CDH13: variants seen among roughly 807,000 people sequenced by gnomAD.
The protein encoded by CDH13 is cadherin 13, also known as cadherin-13.
Under a neutral mutation model 63.8 loss-of-function variants are expected in CDH13, and 24 were observed. The ratio of observed to expected loss-of-function variants is 0.38; its 90% CI spans 0.27 to 0.53. The LOEUF is 0.53. CDH13 is among the 20% of genes least tolerant of loss of function. CDH13 has a pLI of 0.85. For missense variants in CDH13, 1,049 were observed against 903.1 expected (o/e 1.16, Z -2.07); for synonymous variants, 503 against 355.3 (o/e 1.42, Z -4.67).
intron 2 of CDH13, among the ~76,000 whole-genome samples, chr16:83,000,721 A>G (rs958654264): frequency 6.6e-6 from 1 of 151,792 alleles, no homozygotes; most frequent in Non-Finnish European, 1.5e-5. Flanking sequence ...CTGGGATTAC[A>G]GGTACCCGCC....
chr16:83,059,789 G>GTTTTTTTTTTTTTT, intron 3 of CDH13, among the ~76,000 whole-genome samples: 73 of 98,734 alleles, frequency 7.4e-4, no homozygotes, highest in African/African-American at 2.7e-3. Flanking sequence ...TTTTTTTTTT[G>GTTTTTTTTTTTTTT]TTTGTTTTTT....
intron 6 of CDH13, among the ~76,000 whole-genome samples, chr16:83,356,889 A>G (rs1383600209): frequency 6.6e-6 from 1 of 152,182 alleles, no homozygotes; most frequent in South Asian, 2.1e-4. Context: ...TACCCAAGCT[A>G]TTTTATTATT....
chr16:83,141,289 T>A (rs556209206), intron 4 of CDH13, among the ~76,000 whole-genome samples: 1 of 152,130 alleles, frequency 6.6e-6, no homozygotes, highest in East Asian at 1.9e-4. Flanking sequence ...TCTGGTGCCC[T>A]TTTGCCTACA....
At chr16:82,778,466 G>A (rs948608310) in intron 1 of CDH13, among the ~76,000 whole-genome samples, 2 of 147,786 alleles carry the variant, frequency 1.4e-5, no homozygotes, top group African/African-American at 2.5e-5. Context: ...GACCTTTGAA[G>A]TAGTCTCCCT....
chr16:83,551,175 G>A (rs533235557), intron 7 of CDH13, among the ~76,000 whole-genome samples: 9 of 152,024 alleles, frequency 5.9e-5, no homozygotes, highest in South Asian at 4.2e-4. Context: ...TCCGCCTCCC[G>A]GGTTCAAGTG....
chr16:82,751,982 C>G (rs1443033805), intron 1 of CDH13, among the ~76,000 whole-genome samples: 1 of 152,136 alleles, frequency 6.6e-6, no homozygotes, highest in Non-Finnish European at 1.5e-5. Flanking sequence ...AGGCTAAACG[C>G]CAACAAACAA....
intron 1 of CDH13, among the ~76,000 whole-genome samples, chr16:82,685,491 A>G (rs1914972912): frequency 1.3e-5 from 2 of 152,356 alleles, no homozygotes; most frequent in South Asian, 4.1e-4. Flanking sequence ...GTTGGGGGGA[A>G]TAAATCTTTA....
chr16:83,153,563 G>T (rs2151698806), intron 4 of CDH13, among the ~76,000 whole-genome samples: 1 of 152,276 alleles, frequency 6.6e-6, no homozygotes, highest in East Asian at 1.9e-4. Flanking sequence ...CCCAAAGTTA[G>T]TTCAGCCTAT....
chr16:83,074,196 T>G (rs1399915157), intron 3 of CDH13, among the ~76,000 whole-genome samples: 1 of 152,174 alleles, frequency 6.6e-6, no homozygotes, highest in African/African-American at 2.4e-5. Flanking sequence ...ATTGCGCTCT[T>G]TTTCTCCATA....
intron 2 of CDH13, among the ~76,000 whole-genome samples, chr16:82,985,541 A>C (rs1391896946): frequency 6.6e-6 from 1 of 152,186 alleles, no homozygotes. Flanking sequence ...CAGGCCCTAC[A>C]GAGATAGGTG....
intron 1 of CDH13, among the ~76,000 whole-genome samples, chr16:82,669,377 A>T (rs1005095783): frequency 6.6e-6 from 1 of 152,236 alleles, no homozygotes; most frequent in Non-Finnish European, 1.5e-5. Flanking sequence ...GGTACAATAT[A>T]TCTTATCTAC....
intron 11 of CDH13, among the ~76,000 whole-genome samples, chr16:83,759,778 A>T (rs1236118047): frequency 6.6e-6 from 1 of 152,048 alleles, no homozygotes; most frequent in African/African-American, 2.4e-5. Flanking sequence ...AATAAAAAAA[A>T]TTATCCAAGT....
At chr16:83,173,580 A>G (rs936622950) in intron 4 of CDH13, among the ~76,000 whole-genome samples, 2 of 152,130 alleles carry the variant, frequency 1.3e-5, no homozygotes, top group African/African-American at 2.4e-5. Flanking sequence ...CATCCCAACT[A>G]TTGCACTGGA....
At chr16:83,440,665 G>A (rs954787761) in intron 6 of CDH13, among the ~76,000 whole-genome samples, 15 of 151,708 alleles carry the variant, frequency 9.9e-5, no homozygotes, top group Admixed American at 2.0e-4. Flanking sequence ...CACACCCGTC[G>A]TCCCAGCTAC....
intron 1 of CDH13, among the ~76,000 whole-genome samples, chr16:82,681,651 G>A (rs1353382122): frequency 5.3e-5 from 8 of 152,166 alleles, no homozygotes; most frequent in Admixed American, 3.9e-4. Context: ...TGGTGCCCCC[G>A]TTGCATTCCC....
Position 83,344,855 on chromosome 16 carries a change from C to T in CDH13, c.637-7C>T, listed in dbSNP as rs2090803305. 6.2e-7 allele frequency: 1 copy of T among 1,613,462 alleles called. No homozygotes were observed. On this transcript the variant is annotated splice_polypyrimidine_tract_variant and splice_region_variant and intron_variant, in intron 5 of 13. Transcript: ENST00000567109. ...TTCTTTCTCCCCCAATCTCTTTGCT[C>T]AAATAGCTATTTGTGGAGACCACTG...
chr16:83,630,714 G>C (rs1266442604), intron 8 of CDH13, among the ~76,000 whole-genome samples: 1 of 152,226 alleles, frequency 6.6e-6, no homozygotes, highest in Non-Finnish European at 1.5e-5. Flanking sequence ...CACCTGTGAA[G>C]ATGAGCGATC....
chr16:83,798,397 T>G lies in CDH13; in HGVS notation c.*3367T>G, dbSNP rs1427334859. 1 of 152,254 alleles carries G rather than the reference T, an allele frequency of 6.6e-6. No individual in the cohort carries two copies. Among genetic ancestry groups the G allele is most frequent in the Non-Finnish European group, 1.5e-5 (1 of 68,054 alleles). The allele number at this position is 152,254 out of a possible 1,614,324, so 9.4% of individuals were successfully genotyped here. A position where few individuals can be genotyped will look rare whatever the true frequency, so the allele number is the denominator to read the frequency against. On this transcript the variant is annotated 3_prime_UTR_variant, in exon 14 of 14. Transcript: ENST00000567109. The stretch of plus-strand genomic sequence containing the variant: ...GTACCAAAAAGGTGATTAATAATTA[T>G]AATAATGGTTTATATTTATCAACTG...
intron 5 of CDH13, among the ~76,000 whole-genome samples, chr16:83,224,978 T>G (rs556806759): frequency 1.3e-5 from 2 of 152,328 alleles, no homozygotes; most frequent in East Asian, 3.9e-4. Flanking sequence ...AGTAACTCTC[T>G]GTAAAAGGGA....
Sources: gnomAD v4.1 joint callset for allele counts (sites outside exome capture counted in the v4.1 genomes callset) on GRCh38, gnomAD v4.1.1 for gene constraint, MANE v1.5 for transcripts, NCBI Gene and HGNC (gene_info 2026-07-23, HGNC 2026-07-21) for gene names.